TUSC3: variants seen among roughly 807,000 people sequenced by gnomAD.
The protein encoded by TUSC3 is tumor suppressor candidate 3, also known as dolichyl-diphosphooligosaccharide--protein glycosyltransferase subunit TUSC3.
Under a neutral mutation model 44.8 loss-of-function variants are expected in TUSC3, and 45 were observed. The observed-to-expected ratio is 1.00, with a 90% CI of 0.79 to 1.29. TUSC3 has a LOEUF of 1.29. Ranked by LOEUF, TUSC3 falls within the 50% of genes most tolerant of loss-of-function variation. The pLI is 0.00. For synonymous variants in TUSC3, 212 were observed against 152.9 expected, an observed-to-expected ratio of 1.39 and a Z score of -2.85; for missense variants, 519 against 437.9, an observed-to-expected ratio of 1.19 and a Z score of -1.65.
intron 1 of TUSC3, among the ~76,000 whole-genome samples, chr8:15,598,156 T>C (rs1215713256): frequency 6.6e-6 from 1 of 151,950 alleles, no homozygotes; most frequent in East Asian, 1.9e-4. Context: ...TTTTATGTGA[T>C]CTTTGTCATT....
chr8:15,538,519 T>G (rs4831742), upstream of TUSC3, among the ~76,000 whole-genome samples: 127,406 of 152,180 alleles, frequency 0.84, 54,116 homozygotes, highest in Non-Finnish European at 0.9. Context: ...TGTTCAAATT[T>G]TTTCTGGGCC....
chr8:15,452,198 A>G (rs971549666), intron 1 of TUSC3, among the ~76,000 whole-genome samples: 21 of 152,328 alleles, frequency 1.4e-4, no homozygotes, highest in Non-Finnish European at 2.9e-4. Context: ...ATAATTTCAC[A>G]TTTAATTTCT....
chr8:15,679,220 G>A (rs548151539), intron 6 of TUSC3, among the ~76,000 whole-genome samples: 3 of 152,016 alleles, frequency 2.0e-5, no homozygotes, highest in African/African-American at 7.2e-5. Context: ...TACATTCCCA[G>A]CAGTGGTGTA....
chr8:15,745,984 G>C (rs891519000), intron 8 of TUSC3, among the ~76,000 whole-genome samples: 4 of 152,102 alleles, frequency 2.6e-5, no homozygotes, highest in African/African-American at 7.2e-5. Context: ...CATATGGCTA[G>C]CCAGTTATCC....
intron 1 of TUSC3, among the ~76,000 whole-genome samples, chr8:15,608,356 C>A (rs918758504): frequency 6.6e-6 from 1 of 151,870 alleles, no homozygotes; most frequent in Non-Finnish European, 1.5e-5. Context: ...CAATAAATTC[C>A]AATATAAAAT....
intron 6 of TUSC3, among the ~76,000 whole-genome samples, chr8:15,698,261 A>G (rs1809252444): frequency 6.6e-6 from 1 of 152,156 alleles, no homozygotes; most frequent in Non-Finnish European, 1.5e-5. Context: ...GTGAAAATCA[A>G]CATTTTATTT....
intron 2 of TUSC3, among the ~76,000 whole-genome samples, chr8:15,527,793 A>G (rs933684631): frequency 3.0e-4 from 46 of 152,338 alleles, no homozygotes; most frequent in Non-Finnish European, 1.8e-4. Context: ...GATTATCAAT[A>G]GACAAAATAA....
chr8:15,812,963 A>C, the TUSC3 span, among the ~76,000 whole-genome samples: 1 of 152,146 alleles, frequency 6.6e-6, no homozygotes, highest in East Asian at 1.9e-4. Flanking sequence ...GCGTGGTGGC[A>C]TGTGACTGTA....
chr8:15,559,205 T>C (rs1156335112), intron 1 of TUSC3, among the ~76,000 whole-genome samples: 3 of 142,854 alleles, frequency 2.1e-5, no homozygotes, highest in Admixed American at 1.4e-4. Flanking sequence ...ATGTTGTGTC[T>C]TTGTTCTCGT....
chr8:15,686,897 T>A (rs1367555580), intron 6 of TUSC3, among the ~76,000 whole-genome samples: 1 of 151,472 alleles, frequency 6.6e-6, no homozygotes, highest in African/African-American at 2.4e-5. Flanking sequence ...TGAAACCCCG[T>A]CTCTACTAAA....
rs374512833 is a variant in TUSC3, at chr8:15,758,029, G to A, written c.*46+174G>A. 10 of 1,408,540 alleles carry A rather than the reference G, an allele frequency of 7.1e-6. No individual in the cohort carries two copies. The East Asian group carries it at 1.3e-4, about 18-fold the overall frequency. The allele number at this position is 1,408,540 out of a possible 1,614,324, so 87.3% of individuals were successfully genotyped here. A position where few individuals can be genotyped will look rare whatever the true frequency, so the allele number is the denominator to read the frequency against. On this transcript the variant is annotated intron_variant, in intron 10 of 10. Coordinates refer to ENST00000503731, the MANE Select transcript of TUSC3 (RefSeq NM_006765.4). Reference sequence around the variant, plus strand: ...TACATTATTATGTTTATCTGCCACAGGGAGAAGTCCTCAGATAAAAATGTC... The same window carrying A: ...TACATTATTATGTTTATCTGCCACAAGGAGAAGTCCTCAGATAAAAATGTC...
chr8:15,591,760 A>C (rs1366774705), intron 1 of TUSC3, among the ~76,000 whole-genome samples: 1 of 152,140 alleles, frequency 6.6e-6, no homozygotes, highest in Non-Finnish European at 1.5e-5. Context: ...AGAGTGAGCC[A>C]AGGGGAAAGT....
intron 1 of TUSC3, among the ~76,000 whole-genome samples, chr8:15,418,713 A>G (rs1046304047): frequency 6.6e-6 from 1 of 152,208 alleles, no homozygotes; most frequent in Non-Finnish European, 1.5e-5. Context: ...AAAATTAAGA[A>G]TTAAAGATTA....
chr8:15,719,529 C>T (rs1810215201), intron 6 of TUSC3, among the ~76,000 whole-genome samples: 4 of 147,518 alleles, frequency 2.7e-5, no homozygotes, highest in Admixed American at 2.7e-4. Flanking sequence ...CACACACACA[C>T]ACACACACAC....
At chr8:15,529,330 C>T (rs1224290634) in intron 2 of TUSC3, among the ~76,000 whole-genome samples, 2 of 151,994 alleles carry the variant, frequency 1.3e-5, no homozygotes, top group Non-Finnish European at 2.9e-5. Flanking sequence ...TATGCAAAGG[C>T]TTTTGATAAA....
At chr8:15,645,427 A>AT (rs1328318424) in intron 2 of TUSC3, among the ~76,000 whole-genome samples, 5 of 150,714 alleles carry the variant, frequency 3.3e-5, no homozygotes, top group African/African-American at 1.2e-4. Flanking sequence ...TTATTTTCCA[A>AT]TTTTTTTTTA....
the TUSC3 span, among the ~76,000 whole-genome samples, chr8:15,792,320 T>C: frequency 6.6e-6 from 1 of 152,240 alleles, no homozygotes; most frequent in African/African-American, 2.4e-5. Context: ...GAAACATGCA[T>C]AGTGGTGTTT....
chr8:15,723,005 C>T (rs1810360485), intron 6 of TUSC3, among the ~76,000 whole-genome samples: 1 of 151,990 alleles, frequency 6.6e-6, no homozygotes, highest in South Asian at 2.1e-4. Flanking sequence ...CTCGTCCTAC[C>T]ACAGACCTAT....
intron 6 of TUSC3, among the ~76,000 whole-genome samples, chr8:15,685,760 CT>C (rs1808602392): frequency 6.6e-6 from 1 of 152,126 alleles, no homozygotes. Context: ...CTGATTCTAT[CT>C]TTAATAGCTT....
Sources: allele counts gnomAD v4.1 joint callset (sites outside exome capture counted in the v4.1 genomes callset), GRCh38; gene constraint gnomAD v4.1.1; transcripts MANE v1.5; gene names NCBI Gene and HGNC (gene_info 2026-07-23, HGNC 2026-07-21).